Variants in L3MBTL4 observed in about 807,000 individuals in gnomAD.
L3MBTL4 encodes the protein lethal(3)malignant brain tumor-like protein 4.
A neutral mutation model predicts 84.5 loss-of-function variants in L3MBTL4; 70 were observed. The ratio of observed to expected loss-of-function variants is 0.83; its 90% CI spans 0.68 to 1.01. The LOEUF (loss-of-function observed/expected upper bound fraction) is 1.01. Among genes scored for constraint, L3MBTL4 ranks in the 50% least tolerant of loss-of-function variants. The probability of loss-of-function intolerance (pLI) is 0.00; values close to 1 mark genes in which losing one functional copy is unlikely to be tolerated. For missense variants in L3MBTL4, 715 were observed against 754.8 expected (o/e 0.95, Z 0.62); for synonymous variants, 274 against 259.8 (o/e 1.05, Z -0.52).
intron 16 of L3MBTL4, among the ~76,000 whole-genome samples, chr18:6,079,659 T>C (rs1443406430): frequency 6.6e-6 from 1 of 152,214 alleles, no homozygotes; most frequent in Non-Finnish European, 1.5e-5. Context: ...ACATAATTAC[T>C]CTGTGGAGAT....
chr18:6,337,546 G>A (rs958516722), intron 1 of L3MBTL4, among the ~76,000 whole-genome samples: 13 of 151,962 alleles, frequency 8.6e-5, no homozygotes, highest in African/African-American at 3.1e-4. Flanking sequence ...TCAATAACAG[G>A]CAAAACTAAC....
chr18:6,278,319 T>A (rs1375461711), intron 4 of L3MBTL4, among the ~76,000 whole-genome samples: 3 of 152,176 alleles, frequency 2.0e-5, no homozygotes, highest in Non-Finnish European at 4.4e-5. Flanking sequence ...CATTTTAGTA[T>A]CTAGAGATCA....
At chr18:5,999,321 T>G (rs367946182) in intron 16 of L3MBTL4, among the ~76,000 whole-genome samples, 1 of 152,306 alleles carries the variant, frequency 6.6e-6, no homozygotes. Flanking sequence ...GAGAATCAAT[T>G]GGTTTCCCTC....
intron 10 of L3MBTL4, among the ~76,000 whole-genome samples, chr18:6,219,222 T>G (rs773482463): frequency 1.3e-5 from 2 of 151,860 alleles, no homozygotes; most frequent in African/African-American, 4.8e-5. Context: ...CTCATACTTA[T>G]CACTTCGTCC....
At chr18:6,188,145 A>G (rs2044873384) in intron 12 of L3MBTL4, among the ~76,000 whole-genome samples, 1 of 152,052 alleles carries the variant, frequency 6.6e-6, no homozygotes, top group African/African-American at 2.4e-5. Context: ...GGGGTCTGGA[A>G]TCTGAAATGA....
intron 11 of L3MBTL4, among the ~76,000 whole-genome samples, chr18:6,213,761 G>A (rs187673755): frequency 1.1e-3 from 174 of 152,234 alleles, no homozygotes; most frequent in African/African-American, 3.7e-3. Flanking sequence ...TATTTCATCC[G>A]ATTCACAAAA....
At position 6,138,333 on chromosome 18, in the gene L3MBTL4, T is replaced by C. The variant is rs139949671; in HGVS notation, c.1097-37A>G. On this transcript the variant is annotated intron_variant, in intron 13 of 18. Coordinates refer to ENST00000317931, the MANE Select transcript of L3MBTL4 (RefSeq NM_001330559.2). Reference sequence around the variant, plus strand: ...AAAAGAACATGCCTTGAAAACACCCTCATTAAAGAAGACTGCAAATCTGAA... The same window carrying C: ...AAAAGAACATGCCTTGAAAACACCCCCATTAAAGAAGACTGCAAATCTGAA... 2.4e-5 allele frequency: 30 copies of C among 1,269,158 alleles called. No individual in the cohort carries two copies. In the East Asian group the frequency reaches 6.7e-4, roughly 28 times the overall value. 78.6% of individuals were successfully genotyped at this position (1,269,158 alleles called of 1,614,324 possible).
chr18:6,013,949 T>C (rs2145417235), intron 16 of L3MBTL4, among the ~76,000 whole-genome samples: 1 of 152,326 alleles, frequency 6.6e-6, no homozygotes, highest in Middle Eastern at 3.4e-3. Flanking sequence ...CTCCGTTTTC[T>C]CATAGCCACT....
At chr18:6,205,291 C>T (rs1299878330) in intron 12 of L3MBTL4, among the ~76,000 whole-genome samples, 1 of 152,182 alleles carries the variant, frequency 6.6e-6, no homozygotes, top group Admixed American at 6.5e-5. Context: ...ACAGAAAAGA[C>T]AAGGAAACAG....
chr18:6,080,782 C>A, intron 16 of L3MBTL4, 99 bp downstream of exon 16: 1 of 853,480 alleles, frequency 1.2e-6, no homozygotes. Context: ...CTCTTTCTAC[C>A]ATTCCCTGTT....
At chr18:6,036,149 T>C (rs2056128475) in intron 16 of L3MBTL4, among the ~76,000 whole-genome samples, 1 of 152,244 alleles carries the variant, frequency 6.6e-6, no homozygotes, top group Non-Finnish European at 1.5e-5. Flanking sequence ...GTACGATTAG[T>C]GTTTCGGTTT....
At chr18:6,283,221 G>A (rs920857952) in intron 4 of L3MBTL4, among the ~76,000 whole-genome samples, 2 of 152,098 alleles carry the variant, frequency 1.3e-5, no homozygotes, top group African/African-American at 2.4e-5. Context: ...ATTTTCCCAT[G>A]CTCTTCACTT....
intron 13 of L3MBTL4, among the ~76,000 whole-genome samples, chr18:6,169,553 A>G (rs1324867290): frequency 6.6e-6 from 1 of 151,890 alleles, no homozygotes; most frequent in Non-Finnish European, 1.5e-5. Flanking sequence ...GCTGGAAACC[A>G]TCATTCTCAG....
intron 10 of L3MBTL4, among the ~76,000 whole-genome samples, chr18:6,222,194 C>T (rs2046584924): frequency 6.6e-6 from 1 of 152,166 alleles, no homozygotes. Flanking sequence ...GGCAAAAGAA[C>T]ATAAGTTAGA....
chr18:6,085,170 T>A (rs1851696), intron 15 of L3MBTL4, among the ~76,000 whole-genome samples: 69,267 of 151,886 alleles, frequency 0.46, 20,553 homozygotes, highest in African/African-American at 0.85. Context: ...AAATAATAAG[T>A]TCCATAATAT....
chr18:6,029,311 T>C (rs1188414716), intron 16 of L3MBTL4: 2 of 377,006 alleles, frequency 5.3e-6, no homozygotes, highest in African/African-American at 4.4e-5. Flanking sequence ...AAATACACTA[T>C]TATAAAGTAA....
chr18:5,997,287 G>A (rs1199267483), intron 16 of L3MBTL4, among the ~76,000 whole-genome samples: 4 of 149,978 alleles, frequency 2.7e-5, no homozygotes, highest in Non-Finnish European at 5.9e-5. Flanking sequence ...AGGCAAACTC[G>A]CCTCCCATCT....
chr18:6,068,804 C>T (rs1210348531), intron 16 of L3MBTL4, among the ~76,000 whole-genome samples: 1 of 152,150 alleles, frequency 6.6e-6, no homozygotes. Context: ...CTGCACCCAG[C>T]ACTGCAATTG....
chr18:6,024,379 G>A (rs1023080435), intron 16 of L3MBTL4, among the ~76,000 whole-genome samples: 1 of 152,140 alleles, frequency 6.6e-6, no homozygotes, highest in Non-Finnish European at 1.5e-5. Context: ...AGTGACTAAG[G>A]AGCCCATCTT....
Sources: allele counts gnomAD v4.1 joint callset (sites outside exome capture counted in the v4.1 genomes callset), GRCh38; gene constraint gnomAD v4.1.1; transcripts MANE v1.5; gene names NCBI Gene and HGNC (gene_info 2026-07-23, HGNC 2026-07-21).